CHCHD3: variants seen among roughly 807,000 people sequenced by gnomAD.
The protein encoded by CHCHD3 is coiled-coil-helix-coiled-coil-helix domain containing 3, also known as MICOS complex subunit MIC19.
A neutral mutation model predicts 38.2 loss-of-function variants in CHCHD3; 20 were observed. The ratio of observed to expected loss-of-function variants is 0.52; its 90% confidence interval spans 0.37 to 0.76. The LOEUF is 0.76. CHCHD3 is among the 30% of genes least tolerant of loss of function. The pLI, the probability that CHCHD3 is intolerant of heterozygous loss-of-function variation, is 0.00. For synonymous variants in CHCHD3, 82 were observed against 100.0 expected, an observed-to-expected ratio of 0.82 and a Z score of 1.07; for missense variants, 245 against 279.2, an observed-to-expected ratio of 0.88 and a Z score of 0.87.
At chr7:133,058,933 C>A (rs947179136) in intron 2 of CHCHD3, among the ~76,000 whole-genome samples, 3 of 152,166 alleles carry the variant, frequency 2.0e-5, no homozygotes, top group Non-Finnish European at 4.4e-5. Context: ...GGGGAGCTCC[C>A]TGAGCTAGCT....
At chr7:132,961,697 T>C (rs1689817828) in intron 4 of CHCHD3, among the ~76,000 whole-genome samples, 1 of 152,230 alleles carries the variant, frequency 6.6e-6, no homozygotes, top group Non-Finnish European at 1.5e-5. Context: ...TGTAGAACTA[T>C]AGTTACAATG....
chr7:132,841,462 A>G (rs1352574964), intron 5 of CHCHD3, among the ~76,000 whole-genome samples: 2 of 151,678 alleles, frequency 1.3e-5, no homozygotes, highest in African/African-American at 4.8e-5. Flanking sequence ...AACAAAAAAC[A>G]CTCATTCTGT....
At chr7:132,838,355 CTTG>C (rs1248730183) in intron 6 of CHCHD3, 41 bp downstream of exon 6, 4 of 1,316,680 alleles carry the variant, frequency 3.0e-6, no homozygotes, top group Admixed American at 1.7e-5. Flanking sequence ...GTGCTTTCAT[CTTG>C]TTAAGAATAG....
At chr7:133,047,168 T>C (rs1053043769) in intron 2 of CHCHD3, among the ~76,000 whole-genome samples, 7 of 152,176 alleles carry the variant, frequency 4.6e-5, no homozygotes, top group African/African-American at 1.7e-4. Flanking sequence ...TAATAGCACA[T>C]ACACAGTCAA....
At chr7:132,802,146 T>A (rs1806809341) in intron 6 of CHCHD3, among the ~76,000 whole-genome samples, 1 of 152,144 alleles carries the variant, frequency 6.6e-6, no homozygotes. Flanking sequence ...ACTTTTCAAT[T>A]TTGCAATATG....
At chr7:133,009,604 T>C (rs545321056) in intron 3 of CHCHD3, among the ~76,000 whole-genome samples, 25 of 152,084 alleles carry the variant, frequency 1.6e-4, no homozygotes, top group African/African-American at 6.0e-4. Flanking sequence ...AAATCCATGT[T>C]ACGCCATGCA....
intron 4 of CHCHD3, among the ~76,000 whole-genome samples, chr7:132,970,883 G>A (rs1811596868): frequency 6.6e-6 from 1 of 152,134 alleles, no homozygotes; most frequent in Admixed American, 6.5e-5. Context: ...GACCAAGGCA[G>A]AAGGATCACT....
intron 2 of CHCHD3, among the ~76,000 whole-genome samples, chr7:133,042,800 AT>A (rs1339174404): frequency 2.0e-5 from 3 of 152,226 alleles, no homozygotes; most frequent in Admixed American, 6.5e-5. Flanking sequence ...TACTTAAAAC[AT>A]TTTATTTTAA....
At chr7:132,817,099 G>C (rs1807219786) in intron 6 of CHCHD3, among the ~76,000 whole-genome samples, 1 of 152,126 alleles carries the variant, frequency 6.6e-6, no homozygotes, top group Non-Finnish European at 1.5e-5. Context: ...ACACGTGCTG[G>C]TCTGTAACCT....
intron 5 of CHCHD3, among the ~76,000 whole-genome samples, chr7:132,859,738 C>T (rs1808434237): frequency 6.6e-6 from 1 of 152,154 alleles, no homozygotes. Context: ...GGACTCTTGT[C>T]TTCCCTTAAG....
chr7:133,059,690 C>T (rs559936386), intron 2 of CHCHD3, among the ~76,000 whole-genome samples: 55 of 152,284 alleles, frequency 3.6e-4, no homozygotes, highest in Admixed American at 9.8e-4. Context: ...GGGTCTGCTA[C>T]GATTGAGACC....
At chr7:132,812,147 G>GT (rs1176782263) in intron 6 of CHCHD3, among the ~76,000 whole-genome samples, 5 of 146,264 alleles carry the variant, frequency 3.4e-5, no homozygotes, top group Non-Finnish European at 6.0e-5. Flanking sequence ...CTGTCACGTA[G>GT]TCTAGTCTAA....
chr7:132,861,216 G>A (rs1364569233), intron 5 of CHCHD3, among the ~76,000 whole-genome samples: 4 of 152,166 alleles, frequency 2.6e-5, no homozygotes, highest in African/African-American at 4.8e-5. Context: ...GTAGGTAATG[G>A]TGCCATTTCC....
chr7:132,887,204 T>C (rs953509259), intron 4 of CHCHD3, among the ~76,000 whole-genome samples: 6 of 151,926 alleles, frequency 3.9e-5, no homozygotes, highest in Non-Finnish European at 7.4e-5. Flanking sequence ...GAAAAGTACA[T>C]GCTGCTTGGA....
intron 7 of CHCHD3, among the ~76,000 whole-genome samples, chr7:132,792,270 C>T (rs1286456257): frequency 6.6e-6 from 1 of 152,174 alleles, no homozygotes; most frequent in African/African-American, 2.4e-5. Flanking sequence ...CTGGAGGGAG[C>T]CTGCATTTTC....
chr7:132,969,235 C>T (rs548155191), intron 4 of CHCHD3, among the ~76,000 whole-genome samples: 69 of 150,316 alleles, frequency 4.6e-4, no homozygotes, highest in African/African-American at 1.6e-3. Context: ...ATACACAAGG[C>T]AAGAATAACC....
intron 3 of CHCHD3, among the ~76,000 whole-genome samples, chr7:133,007,645 C>T (rs904600976): frequency 3.3e-5 from 5 of 152,168 alleles, no homozygotes; most frequent in African/African-American, 1.2e-4. Context: ...ACTCTCTGGA[C>T]CTCCTTAGGG....
chr7:132,897,804 G>A (rs1302135184), intron 4 of CHCHD3, among the ~76,000 whole-genome samples: 1 of 152,178 alleles, frequency 6.6e-6, no homozygotes, highest in Non-Finnish European at 1.5e-5. Context: ...CAGGTCTTCT[G>A]GAATGCAGAT....
At chr7:132,867,208 T>C (rs1381579523) in intron 5 of CHCHD3, among the ~76,000 whole-genome samples, 1 of 152,212 alleles carries the variant, frequency 6.6e-6, no homozygotes, top group Non-Finnish European at 1.5e-5. Context: ...TGCCACATAG[T>C]AGGTTCTAAA....
Sources: gnomAD v4.1 joint callset for allele counts (sites outside exome capture counted in the v4.1 genomes callset) on GRCh38, gnomAD v4.1.1 for gene constraint, MANE v1.5 for transcripts, NCBI Gene and HGNC (gene_info 2026-07-23, HGNC 2026-07-21) for gene names.